Variants in SNX29 observed in about 807,000 individuals in gnomAD.
The protein encoded by SNX29 is sorting nexin 29, also known as sorting nexin-29.
In SNX29, 78 loss-of-function variants were observed where a neutral mutation model predicts 102.1. The observed-to-expected ratio is 0.76, with a 90% CI of 0.64 to 0.92. The LOEUF (loss-of-function observed/expected upper bound fraction) is 0.92. SNX29 is among the 40% of genes least tolerant of loss of function. SNX29 has a pLI of 0.00. For missense variants in SNX29, 1,280 were observed against 1,061.7 expected (o/e 1.21, Z -2.86); for synonymous variants, 580 against 414.5 (o/e 1.40, Z -4.85).
At chr16:12,491,982 A>G (rs1056734281) in intron 19 of SNX29, among the ~76,000 whole-genome samples, 6 of 152,222 alleles carry the variant, frequency 3.9e-5, no homozygotes, top group Admixed American at 3.3e-4. Flanking sequence ...TAGTGCCGCA[A>G]TAAACATACG....
At chr16:12,060,594 C>T (rs763687613) in intron 8 of SNX29, among the ~76,000 whole-genome samples, 11 of 152,182 alleles carry the variant, frequency 7.2e-5, no homozygotes, top group Non-Finnish European at 1.3e-4. Context: ...CAGAGCAAGA[C>T]TCCAACTCTA....
chr16:12,548,830 C>T (rs778781231), intron 20 of SNX29, among the ~76,000 whole-genome samples: 5 of 152,332 alleles, frequency 3.3e-5, no homozygotes, highest in Middle Eastern at 3.4e-3. Flanking sequence ...AGGCCCAGCC[C>T]TGTCTAGCTC....
At chr16:12,139,193 TAAAAAAAAAAAAAAAAAA>T (rs34808071) in intron 13 of SNX29, among the ~76,000 whole-genome samples, 2 of 66,134 alleles carry the variant, frequency 3.0e-5, no homozygotes, top group South Asian at 7.8e-4. Context: ...AGCGAGACTC[TAAAAAAAAAAAAAAAAAA>T]AAAAAAAAAA....
At chr16:11,987,931 A>T (rs928376510) in intron 1 of SNX29, among the ~76,000 whole-genome samples, 1 of 152,186 alleles carries the variant, frequency 6.6e-6, no homozygotes, top group African/African-American at 2.4e-5. Context: ...TACTGCACCC[A>T]TAGATTGTTA....
chr16:12,561,991 C>A (rs1267569761), intron 20 of SNX29, among the ~76,000 whole-genome samples: 1 of 152,174 alleles, frequency 6.6e-6, no homozygotes, highest in East Asian at 1.9e-4. Flanking sequence ...AGCTTGGTGA[C>A]AATGGACCCT....
At chr16:12,357,345 A>G (rs768819089) in intron 16 of SNX29, among the ~76,000 whole-genome samples, 1 of 152,210 alleles carries the variant, frequency 6.6e-6, no homozygotes, top group Non-Finnish European at 1.5e-5. Flanking sequence ...AAAATACAAA[A>G]AAAAATACAA....
At chr16:12,364,574 G>A (rs1457300245) in intron 16 of SNX29, among the ~76,000 whole-genome samples, 1 of 152,050 alleles carries the variant, frequency 6.6e-6, no homozygotes, top group Non-Finnish European at 1.5e-5. Flanking sequence ...ATGGAGACAG[G>A]GAAATAGAAC....
intron 14 of SNX29, among the ~76,000 whole-genome samples, chr16:12,229,054 C>T (rs1159169948): frequency 6.6e-6 from 1 of 152,266 alleles, no homozygotes; most frequent in African/African-American, 2.4e-5. Flanking sequence ...CTTGGACTTG[C>T]CACCTCCTCA....
At position 12,024,455 on chromosome 16, in the gene SNX29, C is replaced by A. The variant is rs139495698; in HGVS notation, c.123-2865C>A. Among the ~76,000 whole-genome samples, 30 of 152,264 alleles carry A rather than the reference C, an allele frequency of 2.0e-4. No individual in the cohort carries two copies. In the East Asian group the frequency reaches 5.8e-3, roughly 29 times the overall value. On this transcript the variant is annotated intron_variant, in intron 3 of 20. Transcript: ENST00000566228. ...GCCACCGCACCCAGTCGAGATCTGC[C>A]TTGAATGACCAGTAGATACGTGCTC...
chr16:12,232,546 G>A (rs370928847), intron 14 of SNX29, among the ~76,000 whole-genome samples: 26 of 152,268 alleles, frequency 1.7e-4, no homozygotes, highest in South Asian at 1.5e-3. Flanking sequence ...TGCTTGAATC[G>A]TGGCTTTTGT....
intron 15 of SNX29, among the ~76,000 whole-genome samples, chr16:12,295,985 G>A (rs2079968128): frequency 6.6e-6 from 1 of 152,170 alleles, no homozygotes; most frequent in African/African-American, 2.4e-5. Flanking sequence ...ATGTTCTGTG[G>A]TAACAACCCA....
intron 20 of SNX29, among the ~76,000 whole-genome samples, chr16:12,561,581 T>C (rs2078726035): frequency 6.6e-6 from 1 of 152,060 alleles, no homozygotes; most frequent in Non-Finnish European, 1.5e-5. Flanking sequence ...CCGATTAATG[T>C]CAGCCGCATG....
chr16:12,523,219 A>G (rs1311868899), intron 19 of SNX29, among the ~76,000 whole-genome samples: 1 of 152,166 alleles, frequency 6.6e-6, no homozygotes, highest in African/African-American at 2.4e-5. Context: ...CTGTGCCTGC[A>G]CAGGGAGAGC....
At chr16:12,296,277 A>G (rs542379583) in intron 15 of SNX29, among the ~76,000 whole-genome samples, 5 of 152,372 alleles carry the variant, frequency 3.3e-5, no homozygotes, top group East Asian at 3.9e-4. Flanking sequence ...GTGGTGGTCA[A>G]TTTTGATGAA....
chr16:12,538,847 A>AG (rs2077195589), intron 20 of SNX29, among the ~76,000 whole-genome samples: 1 of 152,188 alleles, frequency 6.6e-6, no homozygotes, highest in South Asian at 2.1e-4. Context: ...CGTGGCAAAG[A>AG]GGGGCACAGA....
At chr16:12,396,416 G>A (rs761798021) in intron 16 of SNX29, among the ~76,000 whole-genome samples, 3 of 152,166 alleles carry the variant, frequency 2.0e-5, no homozygotes, top group South Asian at 2.1e-4. Context: ...ATCTAAAGGC[G>A]GTGGCGATTG....
chr16:12,354,932 C>T (rs1444471509), intron 15 of SNX29, among the ~76,000 whole-genome samples: 2 of 152,182 alleles, frequency 1.3e-5, no homozygotes, highest in Non-Finnish European at 2.9e-5. Context: ...TTTTCACTTA[C>T]TATTTCATAT....
intron 11 of SNX29, among the ~76,000 whole-genome samples, chr16:12,117,065 C>T (rs542467484): frequency 2.3e-5 from 3 of 128,248 alleles, no homozygotes; most frequent in Admixed American, 7.9e-5. Flanking sequence ...TGCTTCAATG[C>T]GGACGAACCA....
intron 19 of SNX29, among the ~76,000 whole-genome samples, chr16:12,518,255 C>T (rs1239779632): frequency 6.6e-6 from 1 of 152,110 alleles, no homozygotes; most frequent in Non-Finnish European, 1.5e-5. Flanking sequence ...CTGATGCCTC[C>T]CACCTCCCGT....
Sources: gnomAD v4.1 joint callset for allele counts (sites outside exome capture counted in the v4.1 genomes callset) on GRCh38, gnomAD v4.1.1 for gene constraint, MANE v1.5 for transcripts, NCBI Gene and HGNC (gene_info 2026-07-23, HGNC 2026-07-21) for gene names.